Variants in GLIS3 observed in about 807,000 individuals in gnomAD.
The protein encoded by GLIS3 is zinc finger protein GLIS3.
GLIS3 carries 53 observed loss-of-function variants against 78.6 expected under a neutral mutation model. The observed-to-expected ratio is 0.67, with a 90% CI of 0.54 to 0.85. GLIS3 has a LOEUF of 0.85. Among genes scored for constraint, GLIS3 ranks in the 40% least tolerant of loss-of-function variants. GLIS3 has a pLI of 0.00. For synonymous variants in GLIS3, 684 were observed against 509.9 expected, an observed-to-expected ratio of 1.34 and a Z score of -4.60; for missense variants, 1,703 against 1,231.1, an observed-to-expected ratio of 1.38 and a Z score of -5.74.
At chr9:4,486,951 G>C in the GLIS3 span, among the ~76,000 whole-genome samples, 16 of 152,308 alleles carry the variant, frequency 1.1e-4, no homozygotes, top group East Asian at 2.9e-3. Context: ...TTCTGCCTCA[G>C]CCTCCCAAAG....
At chr9:4,223,587 C>T (rs1821514601) in intron 2 of GLIS3, among the ~76,000 whole-genome samples, 1 of 151,924 alleles carries the variant, frequency 6.6e-6, no homozygotes, top group African/African-American at 2.4e-5. Context: ...GTGTTTTAAT[C>T]GGCCTCTAAA....
intron 9 of GLIS3, among the ~76,000 whole-genome samples, chr9:3,832,222 T>G (rs1818089024): frequency 6.7e-6 from 1 of 149,696 alleles, no homozygotes; most frequent in African/African-American, 2.4e-5. Flanking sequence ...TATAATTTAA[T>G]AATATAAATT....
intron 4 of GLIS3, among the ~76,000 whole-genome samples, chr9:4,098,154 C>G (rs896097084): frequency 8.5e-5 from 13 of 152,184 alleles, no homozygotes; most frequent in African/African-American, 3.1e-4. Context: ...CTCTCAGGAT[C>G]TCACTGAAGC....
At chr9:4,472,585 C>A in the GLIS3 span, among the ~76,000 whole-genome samples, 1 of 137,930 alleles carries the variant, frequency 7.3e-6, no homozygotes, top group Non-Finnish European at 1.5e-5. Context: ...GGGTGGGGAA[C>A]ATCATACACG....
At chr9:3,912,056 G>C (rs1824190726) in intron 6 of GLIS3, among the ~76,000 whole-genome samples, 1 of 152,160 alleles carries the variant, frequency 6.6e-6, no homozygotes, top group South Asian at 2.1e-4. Context: ...CTACTGCTAT[G>C]TGGCCTTTGG....
At chr9:4,303,268 GAC>G (rs5896061), upstream of GLIS3, among the ~76,000 whole-genome samples, 19 of 145,056 alleles carry the variant, frequency 1.3e-4, no homozygotes, top group African/African-American at 4.1e-4. Flanking sequence ...TTAAAACACA[GAC>G]ACACACACAC....
chr9:4,389,138 G>A, the GLIS3 span, among the ~76,000 whole-genome samples: 3 of 152,218 alleles, frequency 2.0e-5, no homozygotes, highest in Non-Finnish European at 4.4e-5. Flanking sequence ...TGCATTAACT[G>A]ACTGAATCAT....
intron 8 of GLIS3, among the ~76,000 whole-genome samples, chr9:3,857,392 G>C (rs1201535831): frequency 6.6e-6 from 1 of 152,214 alleles, no homozygotes; most frequent in Non-Finnish European, 1.5e-5. Flanking sequence ...AGATGAACTA[G>C]TCAAGCTTAT....
chr9:4,255,708 G>T (rs1385523179), intron 2 of GLIS3, among the ~76,000 whole-genome samples: 2 of 152,132 alleles, frequency 1.3e-5, no homozygotes, highest in African/African-American at 4.8e-5. Context: ...AGAGCTAGGG[G>T]AAAGGGAGGG....
chr9:3,945,140 T>C (rs77744786), intron 4 of GLIS3, among the ~76,000 whole-genome samples: 1,549 of 152,266 alleles, frequency 0.01, 32 homozygotes, highest in African/African-American at 0.035. Context: ...TTTCAACATA[T>C]AAACTCCAAG....
chr9:3,875,334 T>C (rs1483007643), intron 8 of GLIS3, among the ~76,000 whole-genome samples: 4 of 152,192 alleles, frequency 2.6e-5, no homozygotes, highest in Non-Finnish European at 5.9e-5. Flanking sequence ...TTGAGAGAAC[T>C]TGCATTTATT....
chr9:4,377,973 C>G, the GLIS3 span, among the ~76,000 whole-genome samples: 708 of 152,186 alleles, frequency 4.7e-3, 6 homozygotes, highest in Non-Finnish European at 8.0e-3. Context: ...GATTGTAAAG[C>G]ATACCATGGA....
intron 2 of GLIS3, among the ~76,000 whole-genome samples, chr9:4,271,408 A>C (rs1193346964): frequency 1.3e-5 from 2 of 152,200 alleles, no homozygotes; most frequent in Non-Finnish European, 1.5e-5. Flanking sequence ...CATATTGTTC[A>C]AAGGTCAATG....
intron 9 of GLIS3, among the ~76,000 whole-genome samples, chr9:3,852,782 G>A (rs1819516622): frequency 6.6e-6 from 1 of 152,192 alleles, no homozygotes; most frequent in South Asian, 2.1e-4. Flanking sequence ...CAACCTCATT[G>A]CAACAGTCAC....
At chr9:4,257,709 G>A (rs552363497) in intron 2 of GLIS3, among the ~76,000 whole-genome samples, 1 of 151,784 alleles carries the variant, frequency 6.6e-6, no homozygotes, top group African/African-American at 2.4e-5. Context: ...AAGTAGCTGG[G>A]ACTACAGGTG....
chr9:4,120,926 G>C (rs974600272), intron 3 of GLIS3, among the ~76,000 whole-genome samples: 2 of 152,218 alleles, frequency 1.3e-5, no homozygotes, highest in Admixed American at 6.5e-5. Flanking sequence ...CCACTGTTGA[G>C]AGATGATTCT....
chr9:4,289,171 T>C (rs1828245552), intron 1 of GLIS3, among the ~76,000 whole-genome samples: 1 of 152,210 alleles, frequency 6.6e-6, no homozygotes, highest in African/African-American at 2.4e-5. Context: ...ACAAATCATT[T>C]ATAACTTTTC....
intron 2 of GLIS3, among the ~76,000 whole-genome samples, chr9:4,342,565 T>C (rs1817850265): frequency 6.6e-6 from 1 of 152,240 alleles, no homozygotes; most frequent in Non-Finnish European, 1.5e-5. Flanking sequence ...TTAGAATTGC[T>C]GTGGCTATTT....
rs773888428 is a variant in GLIS3 at position 3,932,505 on chromosome 9, T to C, written c.1873-35A>G. The C allele has an allele frequency of 2.0e-5, 29 of 1,482,360 alleles. 1 individual carries two copies. The Admixed American group carries it at 4.3e-4, about 22-fold the overall frequency. 91.8% of individuals were successfully genotyped at this position (1,482,360 alleles called of 1,614,324 possible). A position where few individuals can be genotyped will look rare whatever the true frequency, so the allele number is the denominator to read the frequency against. On this transcript the variant is annotated intron_variant, in intron 5 of 10. Transcript: ENST00000381971. ...AAAGAAAGAAAGAAACAGCTGTGGT[T>C]AAATCATAAAGGTAATTGGGGAATG...
Sources: allele counts gnomAD v4.1 joint callset (sites outside exome capture counted in the v4.1 genomes callset), GRCh38; gene constraint gnomAD v4.1.1; transcripts MANE v1.5; gene names NCBI Gene and HGNC (gene_info 2026-07-23, HGNC 2026-07-21).